Variants in ABHD14A observed in about 807,000 individuals in gnomAD.
ABHD14A encodes abhydrolase domain containing 14A.
In ABHD14A, 19 loss-of-function variants were observed where a neutral mutation model predicts 27.0. That is an observed-to-expected ratio of 0.70 (90% CI 0.49 to 1.03). The LOEUF is 1.03. Among genes scored for constraint, ABHD14A ranks in the 50% least tolerant of loss-of-function variants. The pLI, the probability that ABHD14A is intolerant of heterozygous loss-of-function variation, is 0.00. For synonymous variants in ABHD14A, 148 were observed against 158.8 expected, an observed-to-expected ratio of 0.93 and a Z score of 0.51; for missense variants, 311 against 344.6, an observed-to-expected ratio of 0.90 and a Z score of 0.77.
chr3:51,978,064 C>G lies in ABHD14A; in HGVS notation c.263C>G (p.Pro88Arg). Residue 88 changes from proline (P) to arginine (R), a missense_variant, in exon 2 of 5, where the codon CCA (proline) becomes CGA (arginine). Transcript: ENST00000273596. ...NSPIFYREVL[P>R]LNQAHRVEVV... The stretch of plus-strand genomic sequence containing the variant: ...CCCATCTTTTACCGCGAGGTGCTCC[C>G]ACTCAACCAGGCACACAGGTAGGTG... The G allele has an allele frequency of 1.2e-6, 2 of 1,613,860 alleles. No homozygotes were observed. The highest frequency in any genetic ancestry group is 1.7e-6 in the Non-Finnish European group (2 of 1,179,930).
At chr3:51,979,631 C>T (rs908618665) in intron 3 of ABHD14A, among the ~76,000 whole-genome samples, 4 of 151,396 alleles carry the variant, frequency 2.6e-5, no homozygotes, top group African/African-American at 9.7e-5. Flanking sequence ...ATTACAGGTG[C>T]GCCCCACCAT....
intron 4 of ABHD14A, 46 bp downstream of exon 4, chr3:51,980,674 T>C: frequency 6.3e-7 from 1 of 1,590,804 alleles, no homozygotes; most frequent in Non-Finnish European, 8.6e-7. Flanking sequence ...TGTCTGTGGC[T>C]TGGGGGGGTT....
chr3:51,980,290 G>C (rs760859465), intron 3 of ABHD14A, 103 bp from the exon 4 acceptor site: 34 of 981,632 alleles, frequency 3.5e-5, no homozygotes, highest in Middle Eastern at 2.0e-4. Flanking sequence ...TAGGTAGTGT[G>C]TGCCAGTGCC....
chr3:51,980,945 G>A lies in ABHD14A; in HGVS notation c.743G>A (p.Gly248Asp), dbSNP rs781635362. 1 of 1,614,118 alleles carries A rather than the reference G, an allele frequency of 6.2e-7. No homozygotes were observed. The highest frequency in any genetic ancestry group is 2.2e-5 in the East Asian group (1 of 44,880). ...TCTGTGGTGAAGCTACGCAATGCAG[G>A]CCATGCCTGTTACCTCCACAAGCCG... Reference protein sequence around the residue: ...NHSVVKLRNAGHACYLHKPQD... With the variant: ...NHSVVKLRNADHACYLHKPQD... Residue 248 changes from glycine to aspartate, a missense_variant, in exon 5 of 5, where the codon GGC becomes GAC. Coordinates refer to ENST00000273596, the MANE Select transcript of ABHD14A (RefSeq NM_015407.5).
In ABHD14A at chr3:51,980,615, T is replaced by C. The variant is rs1458173817; in HGVS notation, c.620T>C (p.Phe207Ser). 2 of 1,613,514 alleles carry C rather than the reference T, an allele frequency of 1.2e-6. No individual in the cohort carries two copies. Among genetic ancestry groups the C allele is most frequent in the African/African-American group, 2.7e-5 (2 of 74,920 alleles). ...ACCCAGAACTACACCCAGGAGCAAT[T>C]CTGGGCTGTGAAGGTACTGGGAGAA... is the stretch of plus-strand genomic sequence containing the variant. ...TSTQNYTQEQ[F>S]WAVKTPTLIL... Residue 207 changes from phenylalanine to serine, a missense_variant, in exon 4 of 5, where the codon TTC (phenylalanine) becomes TCC (serine). Physicochemically the swap from Phe to Ser is radical, Grantham distance 155 (BLOSUM62 -2). Transcript: ENST00000273596.
In ABHD14A at chr3:51,978,677, C is replaced by G. The variant is rs193255585; in HGVS notation, c.397+303C>G. 100 of 265,334 alleles carry G rather than the reference C, an allele frequency of 3.8e-4. 1 individual carries two copies. Among genetic ancestry groups the G allele is most frequent in the African/African-American group, 2.1e-3 (92 of 43,974 alleles). The allele number at this position is 265,334 out of a possible 1,614,324, so 16.4% of individuals were successfully genotyped here. A position where few individuals can be genotyped will look rare whatever the true frequency, so the allele number is the denominator to read the frequency against. Reference sequence around the variant, plus strand: ...CACAATCTCGGCTCACTGCAACCTCCGCCTCCCGGGTTCAAGCAATTCTCC... The same window carrying G: ...CACAATCTCGGCTCACTGCAACCTCGGCCTCCCGGGTTCAAGCAATTCTCC... On this transcript the variant is annotated intron_variant, in intron 3 of 4. Transcript: ENST00000273596.
Position 51,978,264 on chromosome 3 carries a change from AG to A in ABHD14A, c.289del (p.Val97TrpfsTer72), listed in dbSNP as rs868122256. 3 of 1,550,538 alleles carry A rather than the reference AG, an allele frequency of 1.9e-6. No homozygotes were observed. The African/African-American group carries it at 4.1e-5, about 21-fold the overall frequency. ...ATTCCCCTGTGTGCCTGCAGGGTGG[AG>A]GTGGTGCTGCTTCATGGAAAGGCCT... ...VLPLNQAHRV[E>X]VVLLHGKAFN... is the part of the protein sequence containing the mutation. On this transcript the variant is annotated frameshift_variant, in exon 3 of 5. Coordinates refer to ENST00000273596, the MANE Select transcript of ABHD14A (RefSeq NM_015407.5). LOFTEE classifies it high-confidence loss of function.
intron 3 of ABHD14A, among the ~76,000 whole-genome samples, chr3:51,979,481 G>GTTTT (rs1233416677): frequency 2.1e-5 from 3 of 143,790 alleles, no homozygotes; most frequent in Admixed American, 6.8e-5. Context: ...TTCTTTTTTT[G>GTTTT]TTTTTTGTTT....
In ABHD14A at chr3:51,980,925, GGT is replaced by G; in HGVS notation, c.725_726del (p.Val242GlufsTer26). ...TCCGCCACCTGCCCAACCACTCTGT[GGT>G]GAAGCTACGCAATGCAGGCCATGCC... Reference protein sequence around the residue: ...QLRHLPNHSVVKLRNAGHACY... With the variant: ...QLRHLPNHSVXKLRNAGHACY... On this transcript the variant is annotated frameshift_variant, in exon 5 of 5. Transcript: ENST00000273596. LOFTEE classifies it high-confidence loss of function. 3 of 1,614,202 alleles carry G rather than the reference GGT, an allele frequency of 1.9e-6. No individual in the cohort carries two copies. The highest frequency in any genetic ancestry group is 2.5e-6 in the Non-Finnish European group (3 of 1,180,036).
intron 3 of ABHD14A, among the ~76,000 whole-genome samples, chr3:51,979,248 C>G (rs1280694559): frequency 6.6e-6 from 1 of 152,168 alleles, no homozygotes; most frequent in Non-Finnish European, 1.5e-5. Context: ...CCGGTCCCTA[C>G]AAACCTCCCT....
intron 3 of ABHD14A, 109 bp downstream of exon 3, chr3:51,978,483 T>C: frequency 3.0e-6 from 2 of 668,382 alleles, no homozygotes; most frequent in Non-Finnish European, 2.4e-6. Flanking sequence ...GGTGGCACCA[T>C]GAAAAAGTCT....
Position 51,981,025 on chromosome 3 carries a change from C to A in ABHD14A, c.*7C>A, listed in dbSNP as rs1482812305. ...CCTTGACCATCTACCTTGAACTAAC[C>A]CACTCCCAGCTCCCAGCCTGGCATG... On this transcript the variant is annotated 3_prime_UTR_variant, in exon 5 of 5. Transcript: ENST00000273596. 4 of 1,601,772 alleles carry A rather than the reference C, an allele frequency of 2.5e-6. No individual in the cohort carries two copies. The African/African-American group carries it at 5.4e-5, about 21-fold the overall frequency.
chr3:51,976,324 A>C (rs547371025), intron 1 of ABHD14A, among the ~76,000 whole-genome samples: 3 of 152,328 alleles, frequency 2.0e-5, no homozygotes, highest in South Asian at 2.1e-4. Context: ...GGAGGGATGA[A>C]TAGGAACCAA....
At chr3:51,979,517 C>T (rs1307440539) in intron 3 of ABHD14A, among the ~76,000 whole-genome samples, 2 of 147,032 alleles carry the variant, frequency 1.4e-5, no homozygotes, top group Non-Finnish European at 3.0e-5. Flanking sequence ...CAGAGCCTCG[C>T]TCTGTCACCC....
Position 51,980,915 on chromosome 3 carries a change from A to G in ABHD14A, c.713A>G (p.Asn238Ser), listed in dbSNP as rs753672240. The G allele has an allele frequency of 4.3e-6, 7 of 1,614,160 alleles. No individual in the cohort carries two copies. The highest frequency in any genetic ancestry group is 1.3e-5 in the African/African-American group (1 of 75,066). The change falls in exon 5 of 5, where the codon AAC (asparagine) becomes AGC (serine). Residue 238 changes from asparagine (N) to serine (S), a missense_variant. Transcript: ENST00000273596. Reference sequence around the variant, plus strand: ...CTGCGGCAGCTCCGCCACCTGCCCAACCACTCTGTGGTGAAGCTACGCAAT... The same window carrying G: ...CTGCGGCAGCTCCGCCACCTGCCCAGCCACTCTGTGGTGAAGCTACGCAAT... ...ESLRQLRHLP[N>S]HSVVKLRNAG...
Position 51,981,094 on chromosome 3 carries a change from C to A in ABHD14A, c.*76C>A. Reference sequence around the variant, plus strand: ...CGCCACCCTCCCTGAACCAGGGAGACAGCCTCTGGGATTGGAGGCCAGAGG... The same window carrying A: ...CGCCACCCTCCCTGAACCAGGGAGAAAGCCTCTGGGATTGGAGGCCAGAGG... On this transcript the variant is annotated 3_prime_UTR_variant, in exon 5 of 5. Coordinates refer to ENST00000273596, the MANE Select transcript of ABHD14A (RefSeq NM_015407.5). 1.3e-6 allele frequency: 2 copies of A among 1,511,474 alleles called. No homozygotes were observed. Among genetic ancestry groups the A allele is most frequent in the Non-Finnish European group, 1.8e-6 (2 of 1,104,824 alleles). 93.6% of individuals were successfully genotyped at this position (1,511,474 alleles called of 1,614,324 possible).
intron 3 of ABHD14A, chr3:51,978,845 G>A (rs1353986671): frequency 1.3e-5 from 3 of 235,088 alleles, no homozygotes; most frequent in Admixed American, 4.7e-5. Flanking sequence ...GCCTGCCTCG[G>A]CCTCCCCAAG....
chr3:51,978,208 A>G, intron 2 of ABHD14A, 51 bp from the exon 3 acceptor site: 1 of 1,533,044 alleles, frequency 6.5e-7, no homozygotes, highest in Non-Finnish European at 8.8e-7. Context: ...GAATAAAGAA[A>G]GGTGGGCTAC....
Position 51,976,305 on chromosome 3 carries a change from A to G in ABHD14A, c.69+1101A>G, listed in dbSNP as rs561255873. Among the ~76,000 whole-genome samples, 9 of 152,348 alleles carry G rather than the reference A, an allele frequency of 5.9e-5. No homozygotes were observed. The East Asian group carries it at 1.7e-3, about 29-fold the overall frequency. On this transcript the variant is annotated intron_variant, in intron 1 of 4. Transcript: ENST00000273596. Reference sequence around the variant, plus strand: ...GATGCGGGCTCAGGAAACATCCCCAAAACATCCCGGAGGGATGAATAGGAA... The same window carrying G: ...GATGCGGGCTCAGGAAACATCCCCAGAACATCCCGGAGGGATGAATAGGAA...
Sources: gnomAD v4.1 joint callset for allele counts (sites outside exome capture counted in the v4.1 genomes callset) on GRCh38, gnomAD v4.1.1 for gene constraint, MANE v1.5 for transcripts, NCBI Gene and HGNC (gene_info 2026-07-23, HGNC 2026-07-21) for gene names.